The following QRFPR variants were observed in gnomAD, a reference collection of about 807,000 sequenced individuals.
QRFPR encodes the protein pyroglutamylated RFamide peptide receptor.
QRFPR carries 37 observed loss-of-function variants against 31.3 expected under a neutral mutation model. The observed-to-expected ratio is 1.18, with a 90% CI of 0.91 to 1.56. QRFPR has a LOEUF of 1.56. QRFPR is among the 40% of genes most tolerant of loss of function. QRFPR has a pLI of 0.00. For synonymous variants in QRFPR, 197 were observed against 192.0 expected, an observed-to-expected ratio of 1.03 and a Z score of -0.22; for missense variants, 542 against 532.5, an observed-to-expected ratio of 1.02 and a Z score of -0.18.
intron 1 of QRFPR, among the ~76,000 whole-genome samples, chr4:121,342,546 A>T (rs1319806304): frequency 6.6e-6 from 1 of 151,908 alleles, no homozygotes; most frequent in Non-Finnish European, 1.5e-5. Flanking sequence ...CTCATTCCTC[A>T]TTTCTTTTAT....
Position 121,380,686 on chromosome 4 carries a change from C to T in QRFPR, c.-39G>A, listed in dbSNP as rs1284386533. ...CGGGACGCGGGGCCACCGCCCGCTA[C>T]TGGCTGGCCATCCGCATCTGCGGGG... On this transcript the variant is annotated 5_prime_UTR_variant, in exon 1 of 6. Transcript: ENST00000394427. The T allele has an allele frequency of 1.3e-5, 19 of 1,462,590 alleles. No homozygotes were observed. Among genetic ancestry groups the T allele is most frequent in the Non-Finnish European group, 1.6e-5 (18 of 1,100,896 alleles). The allele number at this position is 1,462,590 out of a possible 1,614,324, so 90.6% of individuals were successfully genotyped here.
rs2110464590 is a variant in QRFPR at position 121,328,812 on chromosome 4, G to A, written c.*502C>T. ...GCTCTTTCGCCCAGGCTGGAGTGCA[G>A]TGGCATGATCTCGGATCACTGCAAG... On this transcript the variant is annotated 3_prime_UTR_variant, in exon 6 of 6. Transcript: ENST00000394427. Among the ~76,000 whole-genome samples, 1 of 152,288 alleles carries A rather than the reference G, an allele frequency of 6.6e-6. No individual in the cohort carries two copies. Among genetic ancestry groups the A allele is most frequent in the East Asian group, 1.9e-4 (1 of 5,164 alleles).
At chr4:121,372,389 A>G (rs369679992) in intron 1 of QRFPR, among the ~76,000 whole-genome samples, 32 of 152,220 alleles carry the variant, frequency 2.1e-4, no homozygotes, top group East Asian at 1.9e-3. Context: ...AAAAAGTTTT[A>G]TTTTTTGTTC....
At chr4:121,365,518 T>TATATATTATATATA (rs1726081986) in intron 1 of QRFPR, among the ~76,000 whole-genome samples, 1 of 3,168 alleles carries the variant, frequency 3.2e-4, no homozygotes, top group Non-Finnish European at 4.3e-4. Context: ...TAATATATAT[T>TATATATTATATATA]ATATATATTA....
rs534062083 is a variant in QRFPR, at chr4:121,367,678, C to T, written c.340+12630G>A. Reference sequence around the variant, plus strand: ...GCTAACACTTTAAGTAGCAGAACTTCGAATATGTGAACAACAATTATAGTT... The same window carrying T: ...GCTAACACTTTAAGTAGCAGAACTTTGAATATGTGAACAACAATTATAGTT... On this transcript the variant is annotated intron_variant, in intron 1 of 5. Coordinates refer to ENST00000394427, the MANE Select transcript of QRFPR (RefSeq NM_198179.3). Among the ~76,000 whole-genome samples the T allele has an allele frequency of 8.0e-5, 12 of 150,210 alleles. 1 individual carries two copies. Among genetic ancestry groups the T allele is most frequent in the South Asian group, 2.1e-4 (1 of 4,750 alleles).
intron 1 of QRFPR, among the ~76,000 whole-genome samples, chr4:121,349,624 A>G (rs1725725489): frequency 2.0e-5 from 3 of 152,196 alleles, no homozygotes; most frequent in African/African-American, 7.2e-5. Flanking sequence ...CCCCTTCCTG[A>G]AAATGAGATA....
intron 1 of QRFPR, among the ~76,000 whole-genome samples, chr4:121,355,092 T>A (rs1428273618): frequency 6.6e-6 from 1 of 152,106 alleles, no homozygotes; most frequent in African/African-American, 2.4e-5. Flanking sequence ...GTGGTATGAG[T>A]CTGGAAGTAT....
chr4:121,370,835 T>C (rs1726228314), intron 1 of QRFPR, among the ~76,000 whole-genome samples: 1 of 152,252 alleles, frequency 6.6e-6, no homozygotes, highest in Non-Finnish European at 1.5e-5. Context: ...GAACTAGATA[T>C]GCATTATATG....
At chr4:121,338,593 G>T (rs916335938) in intron 2 of QRFPR, among the ~76,000 whole-genome samples, 1 of 152,104 alleles carries the variant, frequency 6.6e-6, no homozygotes, top group Non-Finnish European at 1.5e-5. Context: ...TTCCAATATG[G>T]CCCAGGGAAG....
At chr4:121,359,290 C>A (rs1579582757) in intron 1 of QRFPR, among the ~76,000 whole-genome samples, 1 of 152,114 alleles carries the variant, frequency 6.6e-6, no homozygotes, top group East Asian at 1.9e-4. Context: ...TTGAAGGATG[C>A]AAAGTACTCT....
At chr4:121,347,578 T>G (rs569118707) in intron 1 of QRFPR, among the ~76,000 whole-genome samples, 3 of 152,258 alleles carry the variant, frequency 2.0e-5, no homozygotes, top group African/African-American at 7.2e-5. Context: ...CTTTGACGCT[T>G]AAAGTAATAT....
rs1176080303 is a variant in QRFPR at position 121,380,413 on chromosome 4, C to T, written c.235G>A (p.Val79Ile). Residue 79 changes from valine (V) to isoleucine (I), a missense_variant, in exon 1 of 6, where the codon GTC becomes ATC. Coordinates refer to ENST00000394427, the MANE Select transcript of QRFPR (RefSeq NM_198179.3). ...AAGGAGCAGATAAAGATGTTGGTGA[C>T]GGTGCGCATGGCCTTGCTGCGGGTC... is the stretch of plus-strand genomic sequence containing the variant. ...VVTRSKAMRT[V>I]TNIFICSLAL... is the part of the protein sequence containing the mutation. 5 of 1,614,078 alleles carry T rather than the reference C, an allele frequency of 3.1e-6. No individual in the cohort carries two copies. The Admixed American group carries it at 6.7e-5, about 22-fold the overall frequency.
At chr4:121,373,995 A>G (rs368183238) in intron 1 of QRFPR, among the ~76,000 whole-genome samples, 2 of 152,142 alleles carry the variant, frequency 1.3e-5, no homozygotes, top group East Asian at 1.9e-4. Context: ...CCATTCTGTT[A>G]CCCGCCCACA....
In QRFPR at chr4:121,364,391, C is replaced by T. The variant is rs570815796; in HGVS notation, c.340+15917G>A. Among the ~76,000 whole-genome samples the T allele has an allele frequency of 4.7e-3, 713 of 150,222 alleles. 54 individuals carry two copies. Among genetic ancestry groups the T allele is most frequent in the African/African-American group, 0.017 (691 of 40,734 alleles). ...GTGGCTCACGCCTGTAATCCCAGCA[C>T]TTTGGGAGGCCGAGGCGGGTGGATC... On this transcript the variant is annotated intron_variant, in intron 1 of 5. Transcript: ENST00000394427.
chr4:121,351,323 C>T (rs1032765267), intron 1 of QRFPR, among the ~76,000 whole-genome samples: 8 of 152,178 alleles, frequency 5.3e-5, no homozygotes, highest in Admixed American at 5.2e-4. Context: ...CTGTAGTTCT[C>T]TTCAGAGTGC....
In QRFPR at chr4:121,329,535, C is replaced by A. The variant is rs1177581919; in HGVS notation, c.1075G>T (p.Ala359Ser). Residue 359 changes from alanine to serine, a missense_variant, in exon 6 of 6, where the codon GCA (alanine) becomes TCA (serine). Transcript: ENST00000394427. ...ATTCCTGAATTTCCATGCCTTTGTG[C>A]TGGAGAGAAGGTTTTATTTACTATG... is the stretch of plus-strand genomic sequence containing the variant. ...YCIVNKTFSP[A>S]QRHGNSGITM... 1.9e-6 allele frequency: 3 copies of A among 1,613,828 alleles called. No homozygotes were observed. The highest frequency in any genetic ancestry group is 1.7e-6 in the Non-Finnish European group (2 of 1,179,852).
intron 2 of QRFPR, among the ~76,000 whole-genome samples, chr4:121,338,231 T>C (rs541410915): frequency 6.6e-6 from 1 of 152,316 alleles, no homozygotes; most frequent in Non-Finnish European, 1.5e-5. Context: ...CACATATAGT[T>C]ATCTTATGTC....
rs1560743937 is a variant in QRFPR at position 121,365,588 on chromosome 4, TATTATATATATATAATA to T, written c.340+14703_340+14719del. ...TATTATATATAATATATATTATATATATTATATATATATAATATATATATTATATATATTATATATTA... is the reference window on the plus strand; with the variant it reads ...TATTATATATAATATATATTATATATTATATATTATATATATTATATATTA... On this transcript the variant is annotated intron_variant, in intron 1 of 5. Coordinates refer to ENST00000394427, the MANE Select transcript of QRFPR (RefSeq NM_198179.3). Among the ~76,000 whole-genome samples the T allele has an allele frequency of 6.6e-3, 21 of 3,160 alleles. 2 individuals carry two copies. The highest frequency in any genetic ancestry group is 0.02 in the African/African-American group (11 of 562). The allele number at this position is 3,160 out of a possible 152,430, so 2.1% of individuals were successfully genotyped here. A position where few individuals can be genotyped will look rare whatever the true frequency, so the allele number is the denominator to read the frequency against.
intron 5 of QRFPR, 136 bp downstream of exon 5, chr4:121,330,290 G>T: frequency 1.6e-6 from 1 of 640,672 alleles, no homozygotes; most frequent in East Asian, 2.7e-5. Flanking sequence ...TTGTGATCTT[G>T]AAGACATGAA....
Sources: gnomAD v4.1 joint callset for allele counts (sites outside exome capture counted in the v4.1 genomes callset) on GRCh38, gnomAD v4.1.1 for gene constraint, MANE v1.5 for transcripts, NCBI Gene and HGNC (gene_info 2026-07-23, HGNC 2026-07-21) for gene names.